Variants in MAPK10 observed in about 807,000 individuals in gnomAD.
MAPK10 encodes JNK3 alpha protein kinase.
MAPK10 carries 25 observed loss-of-function variants against 59.3 expected under a neutral mutation model. That is an observed-to-expected ratio of 0.42 (90% CI 0.31 to 0.59). The LOEUF (loss-of-function observed/expected upper bound fraction) is 0.59, where lower values mean the gene tolerates loss of function less well. MAPK10 is among the 20% of genes least tolerant of loss of function. The pLI is 0.15. For synonymous variants in MAPK10, 190 were observed against 200.5 expected, an observed-to-expected ratio of 0.95 and a Z score of 0.44; for missense variants, 351 against 568.9, an observed-to-expected ratio of 0.62 and a Z score of 3.90.
At chr4:86,570,524 A>G (rs1761373221) in intron 1 of MAPK10, among the ~76,000 whole-genome samples, 1 of 152,226 alleles carries the variant, frequency 6.6e-6, no homozygotes, top group African/African-American at 2.4e-5. Context: ...TTTGTTATAT[A>G]AGTACCTACA....
chr4:86,497,113 A>G (rs1754925913), intron 1 of MAPK10, among the ~76,000 whole-genome samples: 1 of 152,210 alleles, frequency 6.6e-6, no homozygotes, highest in African/African-American at 2.4e-5. Context: ...TCCAAACAAT[A>G]AAAATTTGTT....
chr4:86,372,808 T>G (rs1195726897), intron 1 of MAPK10, among the ~76,000 whole-genome samples: 1 of 152,014 alleles, frequency 6.6e-6, no homozygotes, highest in Non-Finnish European at 1.5e-5. Context: ...CATCAGAAGG[T>G]GGGAAAGATC....
chr4:86,194,402 A>G lies in MAPK10; in HGVS notation c.-1T>C. 6.3e-7 allele frequency: 1 copy of G among 1,576,824 alleles called. No individual in the cohort carries two copies. The highest frequency in any genetic ancestry group is 1.1e-5 in the South Asian group (1 of 90,162). ...AGTAGTATAAGAAATGGAGGCTCAT[A>G]AATACCTAGAGGAAAAAGAAATGGA... On this transcript the variant is annotated 5_prime_UTR_variant, in exon 3 of 14. Transcript: ENST00000641462.
intron 1 of MAPK10, among the ~76,000 whole-genome samples, chr4:86,550,399 A>AC (rs1759678714): frequency 8.6e-6 from 1 of 116,914 alleles, no homozygotes; most frequent in Non-Finnish European, 1.9e-5. Context: ...AAAAAAAAAA[A>AC]AAAAAAAAAA....
chr4:86,542,604 C>T (rs749179200), intron 1 of MAPK10: 2 of 154,194 alleles, frequency 1.3e-5, no homozygotes, highest in East Asian at 1.9e-4. Flanking sequence ...ACGTGAGACT[C>T]TCTCTAAAAA....
chr4:86,572,593 G>A (rs1230830614), intron 1 of MAPK10, among the ~76,000 whole-genome samples: 1 of 152,164 alleles, frequency 6.6e-6, no homozygotes, highest in Non-Finnish European at 1.5e-5. Context: ...ATAAAATACA[G>A]GTTTCGAGAC....
chr4:86,336,784 C>CTTTTTT (rs70948788), intron 2 of MAPK10, among the ~76,000 whole-genome samples: 28 of 83,096 alleles, frequency 3.4e-4, no homozygotes, highest in East Asian at 3.7e-4. Context: ...GGAATGACTC[C>CTTTTTT]TTTTTTTTTT....
intron 2 of MAPK10, among the ~76,000 whole-genome samples, chr4:86,263,705 T>C (rs761346632): frequency 1.3e-5 from 2 of 152,234 alleles, no homozygotes; most frequent in African/African-American, 4.8e-5. Context: ...CCTGAGTAAG[T>C]TGACAAAACT....
chr4:86,202,028 C>T (rs981205695), intron 2 of MAPK10, among the ~76,000 whole-genome samples: 3 of 151,904 alleles, frequency 2.0e-5, no homozygotes, highest in Admixed American at 6.6e-5. Context: ...ATTAGTTGTG[C>T]TTTAAAGAGG....
chr4:86,422,546 T>C (rs760178536), intron 1 of MAPK10, among the ~76,000 whole-genome samples: 31 of 152,194 alleles, frequency 2.0e-4, no homozygotes, highest in Non-Finnish European at 4.6e-4. Context: ...GAGAATAATA[T>C]AGGAAATCAG....
At chr4:86,056,453 A>T (rs2044558859) in intron 11 of MAPK10, among the ~76,000 whole-genome samples, 1 of 150,120 alleles carries the variant, frequency 6.7e-6, no homozygotes, top group Non-Finnish European at 1.5e-5. Flanking sequence ...TTATAAGTCT[A>T]TTCTTCACCA....
chr4:86,226,353 C>G (rs1028507484), intron 2 of MAPK10, among the ~76,000 whole-genome samples: 3 of 152,178 alleles, frequency 2.0e-5, no homozygotes, highest in African/African-American at 7.2e-5. Context: ...ATTTCAAGTT[C>G]ATAGTGCATT....
At chr4:86,347,961 T>C (rs1729145453) in intron 2 of MAPK10, among the ~76,000 whole-genome samples, 1 of 152,172 alleles carries the variant, frequency 6.6e-6, no homozygotes, top group South Asian at 2.1e-4. Flanking sequence ...TAATTTCCCA[T>C]CTTGGTAACT....
chr4:86,527,531 G>T (rs1201835024), intron 1 of MAPK10, among the ~76,000 whole-genome samples: 1 of 152,126 alleles, frequency 6.6e-6, no homozygotes, highest in Non-Finnish European at 1.5e-5. Flanking sequence ...TGAGGCTGTG[G>T]AGAAAAGGGA....
upstream of MAPK10, among the ~76,000 whole-genome samples, chr4:86,360,421 C>G (rs945120034): frequency 2.6e-5 from 4 of 152,168 alleles, no homozygotes; most frequent in African/African-American, 7.2e-5. Flanking sequence ...TTTCAACTAT[C>G]TCTTGTAGTA....
At chr4:86,197,027 T>C (rs1229772855) in intron 2 of MAPK10, among the ~76,000 whole-genome samples, 2 of 152,198 alleles carry the variant, frequency 1.3e-5, no homozygotes, top group African/African-American at 4.8e-5. Context: ...TGCTTAGGAT[T>C]GTCTTGGCTA....
chr4:86,483,071 G>A (rs1007355198), intron 1 of MAPK10, among the ~76,000 whole-genome samples: 1 of 152,164 alleles, frequency 6.6e-6, no homozygotes, highest in African/African-American at 2.4e-5. Context: ...TTTAAATTGT[G>A]TCCCTGTAGT....
chr4:86,583,372 A>G (rs1320637660), intron 1 of MAPK10, among the ~76,000 whole-genome samples: 1 of 152,090 alleles, frequency 6.6e-6, no homozygotes, highest in African/African-American at 2.4e-5. Context: ...TCTAGAAGCT[A>G]GAAAAGCTAT....
chr4:86,174,279 C>T (rs1372708716), intron 3 of MAPK10, among the ~76,000 whole-genome samples: 1 of 152,170 alleles, frequency 6.6e-6, no homozygotes, highest in Admixed American at 6.5e-5. Flanking sequence ...CCGTGGAATA[C>T]TACGCAGTCG....
Sources: gnomAD v4.1 joint callset for allele counts (sites outside exome capture counted in the v4.1 genomes callset) on GRCh38, gnomAD v4.1.1 for gene constraint, MANE v1.5 for transcripts, NCBI Gene and HGNC (gene_info 2026-07-23, HGNC 2026-07-21) for gene names.